Variants in PATJ observed in about 807,000 individuals in gnomAD.
PATJ encodes PATJ crumbs cell polarity complex component.
Under a neutral mutation model 224.9 loss-of-function variants are expected in PATJ, and 190 were observed. The ratio of observed to expected loss-of-function variants is 0.84; its 90% CI spans 0.75 to 0.95. The LOEUF (loss-of-function observed/expected upper bound fraction) is 0.95, where lower values mean the gene tolerates loss of function less well. PATJ is among the 40% of genes least tolerant of loss of function. The pLI, the probability that PATJ is intolerant of heterozygous loss-of-function variation, is 0.00. For synonymous variants in PATJ, 769 were observed against 820.3 expected (o/e 0.94, Z 1.07); for missense variants, 2,121 against 2,270.3 (o/e 0.93, Z 1.34).
intron 13 of PATJ, among the ~76,000 whole-genome samples, chr1:61,807,826 C>G (rs1653902391): frequency 6.6e-6 from 1 of 152,200 alleles, no homozygotes; most frequent in Non-Finnish European, 1.5e-5. Flanking sequence ...TAACAAGTTA[C>G]AGATGCAAAT....
intron 17 of PATJ, among the ~76,000 whole-genome samples, chr1:61,835,483 A>G (rs1660026251): frequency 6.6e-6 from 1 of 152,172 alleles, no homozygotes. Flanking sequence ...GGCTCACTGC[A>G]ATCTCTGCCT....
intron 27 of PATJ, among the ~76,000 whole-genome samples, chr1:61,983,447 T>C (rs1234414183): frequency 6.6e-6 from 1 of 152,136 alleles, no homozygotes; most frequent in African/African-American, 2.4e-5. Context: ...TTTGTTTTTC[T>C]AGTACTACTA....
intron 24 of PATJ, among the ~76,000 whole-genome samples, chr1:61,907,399 G>C (rs1162006800): frequency 6.6e-6 from 1 of 152,154 alleles, no homozygotes; most frequent in Non-Finnish European, 1.5e-5. Context: ...AATTGCCTCT[G>C]TAACAGCAAA....
At chr1:61,851,984 G>A (rs1662883924) in intron 17 of PATJ, among the ~76,000 whole-genome samples, 1 of 151,946 alleles carries the variant, frequency 6.6e-6, no homozygotes, top group South Asian at 2.1e-4. Context: ...GACCAGCCTA[G>A]CCAATATGGC....
chr1:61,840,654 T>TTTA (rs1660940213), intron 17 of PATJ, among the ~76,000 whole-genome samples: 1 of 152,064 alleles, frequency 6.6e-6, no homozygotes, highest in Non-Finnish European at 1.5e-5. Flanking sequence ...TGTACAATAA[T>TTTA]TTATTTCATC....
At chr1:62,093,042 C>T (rs749149366) in intron 33 of PATJ, among the ~76,000 whole-genome samples, 1 of 152,106 alleles carries the variant, frequency 6.6e-6, no homozygotes, top group African/African-American at 2.4e-5. Context: ...TGTGCCCAGC[C>T]GAGAGTTAGA....
intron 38 of PATJ, among the ~76,000 whole-genome samples, chr1:62,122,728 G>A (rs1286724585): frequency 1.3e-5 from 2 of 151,966 alleles, no homozygotes; most frequent in African/African-American, 4.8e-5. Context: ...GGAGGCAGAG[G>A]CAGAAGAATT....
At chr1:62,093,901 G>T (rs186557613) in intron 33 of PATJ, among the ~76,000 whole-genome samples, 1 of 152,008 alleles carries the variant, frequency 6.6e-6, no homozygotes, top group African/African-American at 2.4e-5. Context: ...TAAATATAAA[G>T]CCATTTCTTT....
At chr1:62,160,783 T>C in intron 43 of PATJ, 125 bp from the exon 44 acceptor site, 1 of 960,852 alleles carries the variant, frequency 1.0e-6, no homozygotes, top group Non-Finnish European at 1.5e-6. Context: ...TAGAAAAAAC[T>C]TAATTGGTAG....
intron 28 of PATJ, among the ~76,000 whole-genome samples, chr1:62,012,315 GT>G (rs1646502429): frequency 6.6e-6 from 1 of 152,180 alleles, no homozygotes; most frequent in African/African-American, 2.4e-5. Context: ...GCAAATTATA[GT>G]TTCATAATCT....
chr1:61,930,127 T>C (rs1675804436), intron 27 of PATJ, among the ~76,000 whole-genome samples: 1 of 152,208 alleles, frequency 6.6e-6, no homozygotes, highest in Non-Finnish European at 1.5e-5. Flanking sequence ...ATATTACTTT[T>C]CTCTTCATTC....
In PATJ at chr1:61,812,433, AGTGTGT is replaced by A. The variant is rs71050167; in HGVS notation, c.1683+3933_1683+3938del. On this transcript the variant is annotated intron_variant, in intron 14 of 43. Coordinates refer to ENST00000642238, the MANE Select transcript of PATJ (RefSeq NM_001350145.3). ...GAGAGAGAGAGAGAGAGAGAGAGAG[AGTGTGT>A]GTGTGTGTGTGTGTGTGTGTGTGTG... Among the ~76,000 whole-genome samples, 570 of 85,148 alleles carry A rather than the reference AGTGTGT, an allele frequency of 6.7e-3. 6 individuals are homozygous for A. The highest frequency in any genetic ancestry group is 0.04 in the South Asian group (92 of 2,296). The allele number at this position is 85,148 out of a possible 152,430, so 55.9% of individuals were successfully genotyped here. A position where few individuals can be genotyped will look rare whatever the true frequency, so the allele number is the denominator to read the frequency against.
At chr1:61,745,345 C>T (rs1026813958) in intron 1 of PATJ, among the ~76,000 whole-genome samples, 19 of 151,240 alleles carry the variant, frequency 1.3e-4, no homozygotes, top group African/African-American at 9.7e-5. Flanking sequence ...GTGATCTCAG[C>T]TCACTGCAAC....
chr1:61,906,335 C>G (rs1671854581), intron 24 of PATJ, among the ~76,000 whole-genome samples: 1 of 152,278 alleles, frequency 6.6e-6, no homozygotes, highest in East Asian at 1.9e-4. Context: ...CCCACCCTCA[C>G]TTCTTGGAGA....
At chr1:61,752,767 A>G (rs527475554) in intron 1 of PATJ, among the ~76,000 whole-genome samples, 1 of 152,320 alleles carries the variant, frequency 6.6e-6, no homozygotes, top group South Asian at 2.1e-4. Context: ...GGATTTAAAC[A>G]TTGCTTAGGC....
At chr1:61,972,102 G>A (rs980919774) in intron 27 of PATJ, among the ~76,000 whole-genome samples, 24 of 151,810 alleles carry the variant, frequency 1.6e-4, no homozygotes, top group Non-Finnish European at 2.8e-4. Context: ...TTCAGATTTG[G>A]GAATGTTTAT....
At chr1:62,002,566 G>A (rs780653095) in intron 28 of PATJ, among the ~76,000 whole-genome samples, 7 of 151,956 alleles carry the variant, frequency 4.6e-5, no homozygotes, top group Admixed American at 6.6e-5. Context: ...AAAATTAGCC[G>A]GGTGTGGTAG....
intron 41 of PATJ, among the ~76,000 whole-genome samples, chr1:62,135,334 G>A (rs1307235824): frequency 2.6e-5 from 4 of 151,450 alleles, no homozygotes; most frequent in African/African-American, 4.8e-5. Context: ...CCTGGCCAAC[G>A]TGGTGAAACC....
intron 17 of PATJ, among the ~76,000 whole-genome samples, chr1:61,843,810 A>G (rs1441256321): frequency 6.6e-6 from 1 of 152,152 alleles, no homozygotes; most frequent in Non-Finnish European, 1.5e-5. Flanking sequence ...AAATGATGAT[A>G]ATGATAATGA....
Sources: allele counts gnomAD v4.1 joint callset (sites outside exome capture counted in the v4.1 genomes callset), GRCh38; gene constraint gnomAD v4.1.1; transcripts MANE v1.5; gene names NCBI Gene and HGNC (gene_info 2026-07-23, HGNC 2026-07-21).